Variants in USP32 observed in about 807,000 individuals in gnomAD.
USP32 encodes the protein ubiquitin carboxyl-terminal hydrolase 32.
In USP32, 59 loss-of-function variants were observed where a neutral mutation model predicts 204.8. That is an observed-to-expected ratio of 0.29 (90% confidence interval 0.23 to 0.36). USP32 has a LOEUF of 0.36. Ranked by LOEUF, USP32 falls within the 10% of genes least tolerant of loss-of-function variation. USP32 has a pLI of 1.00. For missense variants in USP32, 1,160 were observed against 1,946.4 expected (o/e 0.60, Z 7.60); for synonymous variants, 517 against 678.4 (o/e 0.76, Z 3.70).
chr17:60,399,661 A>T lies in USP32; in HGVS notation c.106+22585T>A, dbSNP rs117989181. Reference sequence around the variant, plus strand: ...CTGGATGACAGAGCAAGACCCTGTCAAAATAAATAAATAAATAAGTAAAAG... The same window carrying T: ...CTGGATGACAGAGCAAGACCCTGTCTAAATAAATAAATAAATAAGTAAAAG... On this transcript the variant is annotated intron_variant, in intron 1 of 3. Transcript: ENST00000588898. Among the ~76,000 whole-genome samples the T allele has an allele frequency of 4.3e-4, 66 of 152,200 alleles. 1 individual carries two copies. In the East Asian group the frequency reaches 0.012, roughly 27 times the overall value.
intron 5 of USP32, among the ~76,000 whole-genome samples, chr17:60,287,710 C>T (rs2087152235): frequency 6.6e-6 from 1 of 152,076 alleles, no homozygotes; most frequent in Admixed American, 6.5e-5. Context: ...GTTACAGCAA[C>T]CCTAGGAAAC....
At chr17:60,406,170 A>AT (rs1455504808) in intron 1 of USP32, among the ~76,000 whole-genome samples, 1 of 151,690 alleles carries the variant, frequency 6.6e-6, no homozygotes, top group African/African-American at 2.4e-5. Context: ...AAAAAAAAAA[A>AT]AAAAAAAAGC....
At chr17:60,239,156 C>T (rs1046505328) in intron 11 of USP32, among the ~76,000 whole-genome samples, 5 of 152,168 alleles carry the variant, frequency 3.3e-5, no homozygotes, top group Non-Finnish European at 7.3e-5. Context: ...AAATTACCAT[C>T]CCACTCACTT....
intron 12 of USP32, among the ~76,000 whole-genome samples, chr17:60,227,271 CTTT>C (rs376585619): frequency 4.1e-5 from 5 of 122,874 alleles, no homozygotes; most frequent in African/African-American, 3.8e-5. Flanking sequence ...TTCTTTTTTT[CTTT>C]TTTTTTTTTT....
chr17:60,249,833 A>G, intron 11 of USP32: 1 of 645,062 alleles, frequency 1.6e-6, no homozygotes, highest in Non-Finnish European at 2.8e-6. Context: ...TCACTCGGCC[A>G]TTCCAGAAAT....
At chr17:60,383,061 C>T (rs1442123920) in intron 1 of USP32, among the ~76,000 whole-genome samples, 1 of 151,928 alleles carries the variant, frequency 6.6e-6, no homozygotes, top group Non-Finnish European at 1.5e-5. Context: ...TCCTGGCCAA[C>T]ATGCTGAAAC....
chr17:60,294,620 T>G, intron 4 of USP32, 63 bp downstream of exon 4: 1 of 1,074,452 alleles, frequency 9.3e-7, no homozygotes, highest in Non-Finnish European at 1.4e-6. Context: ...TAAAACTTAT[T>G]ACACAACTAA....
chr17:60,233,462 C>A (rs1034777923), intron 12 of USP32, among the ~76,000 whole-genome samples: 7 of 152,090 alleles, frequency 4.6e-5, no homozygotes, highest in Middle Eastern at 3.2e-3. Context: ...CCTGTCTCAA[C>A]AAACAAGCAA....
At chr17:60,418,363 G>T (rs1339211509) in intron 1 of USP32, among the ~76,000 whole-genome samples, 1 of 150,064 alleles carries the variant, frequency 6.7e-6, no homozygotes, top group African/African-American at 2.5e-5. Context: ...AAAGTGCTGG[G>T]ATTACAGGTG....
intron 2 of USP32, among the ~76,000 whole-genome samples, chr17:60,331,473 G>A (rs2145967453): frequency 6.6e-6 from 1 of 151,752 alleles, no homozygotes; most frequent in African/African-American, 2.4e-5. Context: ...GCTGAGGCTG[G>A]AGGATCACTT....
At chr17:60,205,780 C>G (rs2084810005) in intron 25 of USP32, 122 bp from the exon 26 acceptor site, 3 of 1,131,598 alleles carry the variant, frequency 2.7e-6, no homozygotes, top group Non-Finnish European at 3.7e-6. Context: ...GGAGAAATCA[C>G]AGTATAAATA....
At chr17:60,197,144 T>A (rs1223101874) in intron 27 of USP32, among the ~76,000 whole-genome samples, 1 of 150,760 alleles carries the variant, frequency 6.6e-6, no homozygotes, top group African/African-American at 2.4e-5. Flanking sequence ...CACACCACTG[T>A]ACTCCAGCCT....
chr17:60,301,168 G>T (rs565946975), intron 3 of USP32, among the ~76,000 whole-genome samples: 79 of 151,970 alleles, frequency 5.2e-4, no homozygotes, highest in Non-Finnish European at 7.1e-4. Context: ...AAGTTTTTTT[G>T]TGTGTGTGTG....
At chr17:60,238,689 A>C (rs2085798903) in intron 11 of USP32, among the ~76,000 whole-genome samples, 2 of 151,820 alleles carry the variant, frequency 1.3e-5, no homozygotes. Flanking sequence ...CTATAATCCC[A>C]GCTACTTGGG....
intron 1 of USP32, among the ~76,000 whole-genome samples, chr17:60,398,448 G>T (rs781686496): frequency 5.9e-5 from 9 of 152,028 alleles, no homozygotes; most frequent in Non-Finnish European, 1.3e-4. Context: ...TTAGTCACTG[G>T]TGTTCTGGCC....
intron 5 of USP32, among the ~76,000 whole-genome samples, chr17:60,281,296 C>A (rs566240906): frequency 3.9e-5 from 6 of 152,104 alleles, no homozygotes; most frequent in African/African-American, 1.4e-4. Context: ...CCCAGCACTT[C>A]GGGAGGCCGA....
In USP32 at chr17:60,236,128, T is replaced by C. The variant is rs763346841; in HGVS notation, c.1239+10A>G. The C allele has an allele frequency of 5.2e-5, 84 of 1,609,982 alleles. No individual in the cohort carries two copies. The highest frequency in any genetic ancestry group is 6.6e-5 in the Non-Finnish European group (78 of 1,176,570). On this transcript the variant is annotated intron_variant, in intron 12 of 33. Transcript: ENST00000300896. Reference sequence around the variant, plus strand: ...TGTGAAAAATGTAAATAGACAGGAATCTAACTCACGTATTTGACATATTCT... The same window carrying C: ...TGTGAAAAATGTAAATAGACAGGAACCTAACTCACGTATTTGACATATTCT...
At chr17:60,388,169 C>G (rs35182171) in intron 1 of USP32, among the ~76,000 whole-genome samples, 130 of 152,202 alleles carry the variant, frequency 8.5e-4, no homozygotes, top group Non-Finnish European at 1.3e-3. Flanking sequence ...TAGTTCATCA[C>G]TCAGCTACTA....
intron 2 of USP32, among the ~76,000 whole-genome samples, chr17:60,304,527 A>G (rs1423324170): frequency 2.0e-5 from 3 of 152,152 alleles, no homozygotes; most frequent in African/African-American, 7.2e-5. Flanking sequence ...ATATAAAAGC[A>G]TTTTTCTTAT....
Sources: allele counts gnomAD v4.1 joint callset (sites outside exome capture counted in the v4.1 genomes callset), GRCh38; gene constraint gnomAD v4.1.1; transcripts MANE v1.5; gene names NCBI Gene and HGNC (gene_info 2026-07-23, HGNC 2026-07-21).